Variants in ANKRD18B observed in about 807,000 individuals in gnomAD.
The protein encoded by ANKRD18B is ankyrin repeat domain 18B.
In ANKRD18B, 75 loss-of-function variants were observed where a neutral mutation model predicts 111.8. That is an observed-to-expected ratio of 0.67 (90% CI 0.56 to 0.81). The LOEUF is 0.81. Among genes scored for constraint, ANKRD18B ranks in the 40% least tolerant of loss-of-function variants. The probability of loss-of-function intolerance (pLI) is 0.00; values close to 1 mark genes in which losing one functional copy is unlikely to be tolerated. For synonymous variants in ANKRD18B, 356 were observed against 417.3 expected (o/e 0.85, Z 1.79); for missense variants, 1,038 against 1,225.5 (o/e 0.85, Z 2.28).
At chr9:33,575,183 A>G (rs1211521562), downstream of ANKRD18B, among the ~76,000 whole-genome samples, 1 of 152,172 alleles carries the variant, frequency 6.6e-6, no homozygotes, top group African/African-American at 2.4e-5. Context: ...TCCATTCTGC[A>G]TCTCCTCTGG....
chr9:33,568,418 G>C (rs915695189), intron 16 of ANKRD18B, among the ~76,000 whole-genome samples: 1 of 152,184 alleles, frequency 6.6e-6, no homozygotes, highest in South Asian at 2.1e-4. Context: ...ATCACTGATA[G>C]CCATTTCTCT....
intron 6 of ANKRD18B, among the ~76,000 whole-genome samples, chr9:33,538,643 G>A (rs10971554): frequency 0.044 from 6,634 of 152,134 alleles, 166 homozygotes; most frequent in African/African-American, 0.057. Flanking sequence ...GGCTGAGGCA[G>A]GAGAATTGCT....
chr9:33,541,191 AG>A lies in ANKRD18B; in HGVS notation c.1043del (p.Arg348LysfsTer4). The A allele has an allele frequency of 6.5e-7, 1 of 1,544,502 alleles. No individual in the cohort carries two copies. ...KPENLKKRKK[R>X]KKLKKRKEGA... ...TGAAAATTTGAAAAAAAGAAAAAAA[AG>A]AAAAAAATTGAAAAAAAGAAAAGAA... On this transcript the variant is annotated frameshift_variant, in exon 9 of 19. Transcript: ENST00000684830. LOFTEE classifies it high-confidence loss of function.
At chr9:33,543,086 A>T in intron 9 of ANKRD18B, 99 bp from the exon 10 acceptor site, 1 of 1,122,730 alleles carries the variant, frequency 8.9e-7, no homozygotes, top group Non-Finnish European at 1.3e-6. Flanking sequence ...TAAATTCTCA[A>T]TTTATAAAAG....
chr9:33,546,037 T>C (rs1828350404), intron 10 of ANKRD18B, among the ~76,000 whole-genome samples: 1 of 152,220 alleles, frequency 6.6e-6, no homozygotes, highest in Non-Finnish European at 1.5e-5. Flanking sequence ...TATTTAGCCA[T>C]ATACCATGTG....
Position 33,572,473 on chromosome 9 carries a change from A to G in ANKRD18B, c.*39A>G. On this transcript the variant is annotated 3_prime_UTR_variant, in exon 19 of 19. Coordinates refer to ENST00000684830, the MANE Select transcript of ANKRD18B (RefSeq NM_001393611.1). ...TTTATTACTGGGCTATTTACATGAAATTTTAATTGTTTCTCATAAAATATA... is the reference window on the plus strand; with the variant it reads ...TTTATTACTGGGCTATTTACATGAAGTTTTAATTGTTTCTCATAAAATATA... 3 of 1,438,484 alleles carry G rather than the reference A, an allele frequency of 2.1e-6. No individual in the cohort carries two copies. The highest frequency in any genetic ancestry group is 2.8e-6 in the Non-Finnish European group (3 of 1,077,998). The allele number at this position is 1,438,484 out of a possible 1,614,324, so 89.1% of individuals were successfully genotyped here. A position where few individuals can be genotyped will look rare whatever the true frequency, so the allele number is the denominator to read the frequency against.
intron 10 of ANKRD18B, among the ~76,000 whole-genome samples, chr9:33,546,944 CT>C (rs1351582068): frequency 1.3e-5 from 2 of 152,124 alleles, no homozygotes; most frequent in Non-Finnish European, 2.9e-5. Context: ...CACTCGGCTC[CT>C]TGTGTTGTGG....
rs2117946694 is a variant in ANKRD18B, at chr9:33,524,461, G to A, written c.-29G>A. On this transcript the variant is annotated 5_prime_UTR_variant, in exon 1 of 19. Coordinates refer to ENST00000684830, the MANE Select transcript of ANKRD18B (RefSeq NM_001393611.1). ...CGAGGAGCCGCGGCGTCTCAGGAGC[G>A]GGTGGTGGGCATCTGAGAAGTCGCC... The A allele has an allele frequency of 6.6e-7, 1 of 1,520,368 alleles. No individual in the cohort carries two copies. The highest frequency in any genetic ancestry group is 1.2e-5 in the South Asian group (1 of 80,410). 94.2% of individuals were successfully genotyped at this position (1,520,368 alleles called of 1,614,324 possible). A position where few individuals can be genotyped will look rare whatever the true frequency, so the allele number is the denominator to read the frequency against.
chr9:33,570,673 C>G (rs573543687), intron 17 of ANKRD18B, among the ~76,000 whole-genome samples: 29 of 145,250 alleles, frequency 2.0e-4, no homozygotes, highest in African/African-American at 6.9e-4. Flanking sequence ...GAGTTTCGCT[C>G]TGTCACTAGG....
downstream of ANKRD18B, chr9:33,574,719 G>A (rs1828835477): frequency 6.5e-6 from 1 of 152,766 alleles, no homozygotes; most frequent in African/African-American, 2.4e-5. Flanking sequence ...AGAGAAGCAA[G>A]ACAAACAAAC....
At position 33,548,760 on chromosome 9, in the gene ANKRD18B, G is replaced by A. The variant is rs1324622677; in HGVS notation, c.1972G>A (p.Asp658Asn). The A allele has an allele frequency of 6.5e-7, 1 of 1,549,846 alleles. No individual in the cohort carries two copies. The highest frequency in any genetic ancestry group is 8.7e-7 in the Non-Finnish European group (1 of 1,146,186). ...HRDCLENGKE[D>N]LLEERNKELM... is the part of the protein sequence containing the mutation. The stretch of plus-strand genomic sequence containing the variant: ...AGACTGTCTTGAGAATGGAAAGGAA[G>A]ATCTTCTAGAAGAAAGAAATAAGGA... Residue 658 changes from aspartate (D) to asparagine (N), a missense_variant, in exon 11 of 19, where the codon GAT becomes AAT. This residue lies in a region of ANKRD18B where 524 missense variants were observed against 677.9 expected (regional missense o/e 0.77). Transcript: ENST00000684830.
At chr9:33,543,125 T>G in intron 9 of ANKRD18B, 60 bp from the exon 10 acceptor site, 3 of 1,397,046 alleles carry the variant, frequency 2.1e-6, no homozygotes, top group Non-Finnish European at 2.9e-6. Context: ...GTATCAATTT[T>G]TATAAAGATT....
In ANKRD18B at chr9:33,524,651, G is replaced by C. The variant is rs1216231543; in HGVS notation, c.162G>C (p.Leu54=). 3.2e-6 allele frequency: 5 copies of C among 1,551,296 alleles called. No homozygotes were observed. Among genetic ancestry groups the C allele is most frequent in the South Asian group, 2.4e-5 (2 of 84,034 alleles). ...ACGCCGCAGAGGTGGAGCACTGCCT[G>C]ACGCGCAGGTTCCGGGACTTGGACG... ...KGDAAEVEHC[L]TRRFRDLDVR... The change falls in exon 1 of 19, where the codon CTG becomes CTC. Residue 54 remains leucine, a synonymous_variant. Coordinates refer to ENST00000684830, the MANE Select transcript of ANKRD18B (RefSeq NM_001393611.1).
chr9:33,527,834 G>T (rs935806548), intron 1 of ANKRD18B, among the ~76,000 whole-genome samples: 2 of 152,090 alleles, frequency 1.3e-5, no homozygotes, highest in Non-Finnish European at 2.9e-5. Flanking sequence ...CTACATTAAT[G>T]AGATGATTTT....
chr9:33,548,606 C>T lies in ANKRD18B; in HGVS notation c.1818C>T (p.Ser606=), dbSNP rs1828400434. 2 of 1,551,192 alleles carry T rather than the reference C, an allele frequency of 1.3e-6. No individual in the cohort carries two copies. The highest frequency in any genetic ancestry group is 8.7e-7 in the Non-Finnish European group (1 of 1,146,640). Residue 606 remains serine, a synonymous_variant, in exon 11 of 19, where the codon TCC becomes TCT. Transcript: ENST00000684830. ...ATGGGGAAGCTAAAGAAAGTCAATC[C>T]ATTGGAAAGCAGAACTCTTCAGAGG... ...HPNGEAKESQ[S]IGKQNSSEER... is the part of the protein sequence containing the mutation.
rs1828390375 is a variant in ANKRD18B, at chr9:33,548,207, T to G, written c.1419T>G (p.Asn473Lys). 1 of 1,550,362 alleles carries G rather than the reference T, an allele frequency of 6.5e-7. No individual in the cohort carries two copies. The highest frequency in any genetic ancestry group is 2.4e-5 in the East Asian group (1 of 40,922). The change falls in exon 11 of 19, where the codon AAT becomes AAG. Residue 473 changes from asparagine (N) to lysine (K), a missense_variant. By Grantham distance (94) the Asn-to-Lys change is moderately conservative (BLOSUM62 0). Transcript: ENST00000684830. ...TGAAAGCTGAGAATGCAAGGCTGAA[T>G]TCAAAATTGGAGAAGGAAAAACACA... ...NDLKAENARL[N>K]SKLEKEKHNK...
At chr9:33,554,369 A>G (rs1472751066) in intron 12 of ANKRD18B, among the ~76,000 whole-genome samples, 3 of 152,232 alleles carry the variant, frequency 2.0e-5, no homozygotes, top group African/African-American at 4.8e-5. Flanking sequence ...TAGCAAATGT[A>G]TAAGTGTGTG....
chr9:33,551,820 C>G (rs635049), intron 12 of ANKRD18B, among the ~76,000 whole-genome samples: 1 of 152,192 alleles, frequency 6.6e-6, no homozygotes, highest in Non-Finnish European at 1.5e-5. Flanking sequence ...CCATGCTGTC[C>G]TTCCTGCCTT....
chr9:33,537,021 G>C (rs1017030028), intron 6 of ANKRD18B, 76 bp downstream of exon 6: 1 of 1,150,598 alleles, frequency 8.7e-7, no homozygotes, highest in Admixed American at 3.0e-5. Context: ...TACAGGCCAG[G>C]CATGGTGGCT....
Sources: allele counts gnomAD v4.1 joint callset (sites outside exome capture counted in the v4.1 genomes callset), GRCh38; gene constraint gnomAD v4.1.1; regional missense constraint gnomAD v4.1.1; transcripts MANE v1.5; gene names NCBI Gene and HGNC (gene_info 2026-07-23, HGNC 2026-07-21).